RHOBTB3: variants seen among roughly 807,000 people sequenced by gnomAD.
The protein encoded by RHOBTB3 is Rho related BTB domain containing 3.
Under a neutral mutation model 67.2 loss-of-function variants are expected in RHOBTB3, and 47 were observed. That is an observed-to-expected ratio of 0.70 (90% CI 0.55 to 0.89). The LOEUF is 0.89. Among genes scored for constraint, RHOBTB3 ranks in the 40% least tolerant of loss-of-function variants. The pLI is 0.00. For synonymous variants in RHOBTB3, 273 were observed against 274.2 expected (o/e 1.00, Z 0.04); for missense variants, 631 against 750.0 (o/e 0.84, Z 1.85).
chr5:95,738,516 A>G (rs1230062144), intron 3 of RHOBTB3, among the ~76,000 whole-genome samples: 1 of 152,292 alleles, frequency 6.6e-6, no homozygotes, highest in East Asian at 1.9e-4. Flanking sequence ...TGATGCTATT[A>G]TCTTTAAAGT....
chr5:95,777,450 T>C (rs1391473179), intron 8 of RHOBTB3, among the ~76,000 whole-genome samples: 2 of 152,190 alleles, frequency 1.3e-5, no homozygotes, highest in East Asian at 1.9e-4. Flanking sequence ...TAGAAAAAAA[T>C]TCTTAAAATT....
At chr5:95,735,442 T>C (rs78334491) in intron 2 of RHOBTB3, among the ~76,000 whole-genome samples, 3,461 of 152,194 alleles carry the variant, frequency 0.023, 87 homozygotes, top group African/African-American at 0.064. Context: ...AGCTCTCTCT[T>C]CAGAAGGGCA....
rs572286582 is a variant in RHOBTB3, at chr5:95,744,526, A to G, written c.416-3807A>G. 2.0e-5 allele frequency among the ~76,000 whole-genome samples: 3 copies of G among 152,254 alleles called. No individual in the cohort carries two copies. The East Asian group carries it at 5.8e-4, about 29-fold the overall frequency. On this transcript the variant is annotated intron_variant, in intron 3 of 11. Coordinates refer to ENST00000379982, the MANE Select transcript of RHOBTB3 (RefSeq NM_014899.4). ...TAGGTACTCACTAAACGTTTATTCA[A>G]TGAGTGAATGGTTTTATGGATGATC...
At chr5:95,759,435 T>C (rs1745337426) in intron 6 of RHOBTB3, among the ~76,000 whole-genome samples, 1 of 152,204 alleles carries the variant, frequency 6.6e-6, no homozygotes, top group South Asian at 2.1e-4. Flanking sequence ...AAAAGAGATA[T>C]CAAAGCTGTA....
chr5:95,755,387 T>C lies in RHOBTB3; in HGVS notation c.683-9T>C. ...GAGTTTATTATTTTTATTTTCTTTT[T>C]CAAAACAGAAAAAATGCCTGTCTTA... On this transcript the variant is annotated splice_polypyrimidine_tract_variant and intron_variant, in intron 5 of 11. Transcript: ENST00000379982. The C allele has an allele frequency of 6.7e-7, 1 of 1,491,394 alleles. No homozygotes were observed. Among genetic ancestry groups the C allele is most frequent in the Non-Finnish European group, 8.9e-7 (1 of 1,122,438 alleles). The allele number at this position is 1,491,394 out of a possible 1,614,324, so 92.4% of individuals were successfully genotyped here.
At chr5:95,737,918 C>T (rs1755492105) in intron 3 of RHOBTB3, among the ~76,000 whole-genome samples, 1 of 152,160 alleles carries the variant, frequency 6.6e-6, no homozygotes, top group Non-Finnish European at 1.5e-5. Context: ...ATTCTGACTT[C>T]TAACAACACA....
intron 8 of RHOBTB3, among the ~76,000 whole-genome samples, chr5:95,779,551 G>A (rs372674955): frequency 6.6e-6 from 1 of 152,158 alleles, no homozygotes; most frequent in East Asian, 1.9e-4. Context: ...ATTCAGTTCG[G>A]TGAGTTCAGT....
chr5:95,730,521 C>G (rs979928252), upstream of RHOBTB3, among the ~76,000 whole-genome samples: 5 of 152,170 alleles, frequency 3.3e-5, no homozygotes, highest in Admixed American at 1.3e-4. Flanking sequence ...TCTAAAGTAT[C>G]TTTGCATTTA....
At chr5:95,729,416 C>T (rs1184479629), upstream of RHOBTB3, among the ~76,000 whole-genome samples, 1 of 152,164 alleles carries the variant, frequency 6.6e-6, no homozygotes, top group Non-Finnish European at 1.5e-5. Flanking sequence ...CTGACACTTC[C>T]AAGTTGTCAG....
rs375504922 is a variant in RHOBTB3 at position 95,755,690 on chromosome 5, C to T, written c.977C>T (p.Pro326Leu). The change falls in exon 6 of 12, where the codon CCA (proline) becomes CTA (leucine). Residue 326 changes from proline (P) to leucine (L), a missense_variant. Physicochemically the swap from Pro to Leu is moderately conservative, Grantham distance 98 (BLOSUM62 -3). Transcript: ENST00000379982. ...GASHESSGNP[P>L]LRVIVKDALF... ...AGCCATGAATCTTCAGGCAACCCACCATTACGAGTCATTGTTAAAGACGCC... is the reference window on the plus strand; with the variant it reads ...AGCCATGAATCTTCAGGCAACCCACTATTACGAGTCATTGTTAAAGACGCC... The T allele has an allele frequency of 6.2e-7, 1 of 1,613,982 alleles. No homozygotes were observed. The highest frequency in any genetic ancestry group is 1.3e-5 in the African/African-American group (1 of 74,922).
At chr5:95,778,502 G>A (rs182225112) in intron 8 of RHOBTB3, among the ~76,000 whole-genome samples, 5 of 151,318 alleles carry the variant, frequency 3.3e-5, no homozygotes, top group Admixed American at 2.6e-4. Flanking sequence ...TTTTGTTGCT[G>A]GGTTTTGCAA....
chr5:95,763,395 G>T (rs1453204169), intron 6 of RHOBTB3, 113 bp from the exon 7 acceptor site: 1 of 653,368 alleles, frequency 1.5e-6, no homozygotes, highest in Non-Finnish European at 2.8e-6. Flanking sequence ...ATGTATATCT[G>T]GTAAAGAAAA....
At chr5:95,731,302 C>T (rs949593272), upstream of RHOBTB3, 8 of 1,045,628 alleles carry the variant, frequency 7.7e-6, no homozygotes, top group African/African-American at 1.2e-4. Context: ...GACCCCCCTT[C>T]TCTGCTTAGA....
At chr5:95,781,336 C>T (rs1300337216) in intron 9 of RHOBTB3, 1 of 152,260 alleles carries the variant, frequency 6.6e-6, no homozygotes, top group Non-Finnish European at 1.5e-5. Flanking sequence ...ACACACATTT[C>T]AAGCCAGACC....
chr5:95,774,782 A>C (rs1415379033), intron 8 of RHOBTB3, among the ~76,000 whole-genome samples: 1 of 152,160 alleles, frequency 6.6e-6, no homozygotes, highest in Non-Finnish European at 1.5e-5. Flanking sequence ...AATTTGATAC[A>C]ACTGTATGTT....
In RHOBTB3 at chr5:95,746,199, T is replaced by C. The variant is rs118141136; in HGVS notation, c.416-2134T>C. Among the ~76,000 whole-genome samples the C allele has an allele frequency of 3.3e-5, 5 of 152,328 alleles. No homozygotes were observed. The East Asian group carries it at 9.7e-4, about 29-fold the overall frequency. On this transcript the variant is annotated intron_variant, in intron 3 of 11. Transcript: ENST00000379982. ...ACGCACAGTGGAAAAACCACCCTGCTAGCATAAACCTGAAATTAGTTGTAT... is the reference window on the plus strand; with the variant it reads ...ACGCACAGTGGAAAAACCACCCTGCCAGCATAAACCTGAAATTAGTTGTAT...
At chr5:95,759,506 A>C (rs1266889678) in intron 6 of RHOBTB3, among the ~76,000 whole-genome samples, 1 of 152,258 alleles carries the variant, frequency 6.6e-6, no homozygotes. Context: ...ATTTACCCAG[A>C]TTCCACTATC....
chr5:95,779,095 G>A (rs1199378461), intron 8 of RHOBTB3, among the ~76,000 whole-genome samples: 4 of 152,220 alleles, frequency 2.6e-5, no homozygotes, highest in Admixed American at 6.5e-5. Context: ...GGATTTAAAA[G>A]GGATGAAGAA....
At chr5:95,749,652 T>G (rs1745033487) in intron 4 of RHOBTB3, among the ~76,000 whole-genome samples, 2 of 152,186 alleles carry the variant, frequency 1.3e-5, no homozygotes, top group African/African-American at 4.8e-5. Flanking sequence ...AAATCTTAAT[T>G]TGGCGAAGAA....
Sources: gnomAD v4.1 joint callset for allele counts (sites outside exome capture counted in the v4.1 genomes callset) on GRCh38, gnomAD v4.1.1 for gene constraint, MANE v1.5 for transcripts, NCBI Gene and HGNC (gene_info 2026-07-23, HGNC 2026-07-21) for gene names.